Variants in CLDN14 observed in about 807,000 individuals in gnomAD.
CLDN14 encodes the protein claudin-14.
A neutral mutation model predicts 2.1 loss-of-function variants in CLDN14; 2 were observed. That is an observed-to-expected ratio of 0.96 (90% CI 0.39 to 3.01). The LOEUF (loss-of-function observed/expected upper bound fraction) is 3.01, where lower values mean the gene tolerates loss of function less well. Among genes scored for constraint, CLDN14 ranks in the 30% most tolerant of loss-of-function variants. The pLI, the probability that CLDN14 is intolerant of heterozygous loss-of-function variation, is 0.09. For synonymous variants in CLDN14, 136 were observed against 154.4 expected (o/e 0.88, Z 0.88); for missense variants, 298 against 328.0 (o/e 0.91, Z 0.71).
chr21:36,487,919 T>G (rs1336724626), intron 2 of CLDN14, among the ~76,000 whole-genome samples: 1 of 152,162 alleles, frequency 6.6e-6, no homozygotes, highest in African/African-American at 2.4e-5. Flanking sequence ...AATGAACTGA[T>G]GAGAAGTGAC....
intron 1 of CLDN14, among the ~76,000 whole-genome samples, chr21:36,543,777 A>G (rs2087508787): frequency 6.6e-6 from 1 of 152,158 alleles, no homozygotes; most frequent in Non-Finnish European, 1.5e-5. Context: ...TAATTTACAT[A>G]TATTCATTTC....
chr21:36,463,576 G>C (rs2086607150), intron 1 of CLDN14, among the ~76,000 whole-genome samples: 2 of 152,170 alleles, frequency 1.3e-5, no homozygotes, highest in African/African-American at 4.8e-5. Flanking sequence ...GCTGATCGAT[G>C]GTTGTGTGCA....
intron 1 of CLDN14, among the ~76,000 whole-genome samples, 197 bp downstream of exon 1, chr21:36,479,298 G>A (rs2086816284): frequency 6.6e-6 from 1 of 151,640 alleles, no homozygotes; most frequent in Admixed American, 6.6e-5. Context: ...TGCCAGCTGC[G>A]TGGGGTCCTC....
At chr21:36,524,525 A>G (rs2087308297) in intron 1 of CLDN14, among the ~76,000 whole-genome samples, 1 of 152,166 alleles carries the variant, frequency 6.6e-6, no homozygotes, top group East Asian at 1.9e-4. Context: ...TAAAACCCAA[A>G]GTCATGATAT....
At chr21:36,489,131 A>AATATATATATAT (rs1555847001) in intron 2 of CLDN14, among the ~76,000 whole-genome samples, 6 of 62,748 alleles carry the variant, frequency 9.6e-5, no homozygotes, top group Non-Finnish European at 1.8e-4. Context: ...AAAAAAAAAA[A>AATATATATATAT]ATATATATAT....
At chr21:36,571,199 A>G (rs2087708083) in intron 1 of CLDN14, among the ~76,000 whole-genome samples, 1 of 152,192 alleles carries the variant, frequency 6.6e-6, no homozygotes, top group South Asian at 2.1e-4. Flanking sequence ...ATGTTCTTGG[A>G]GGTTTTGTGA....
At position 36,545,246 on chromosome 21, in the gene CLDN14, C is replaced by T. The variant is rs567506469; in HGVS notation, c.-220+31165G>A. 1.0e-3 allele frequency among the ~76,000 whole-genome samples: 153 copies of T among 152,260 alleles called. 1 individual carries two copies. The highest frequency in any genetic ancestry group is 4.9e-4 in the Non-Finnish European group (33 of 68,010). On this transcript the variant is annotated intron_variant, in intron 1 of 2. Transcript: ENST00000342108. ...AAATTCAAATGCAATATTCTTAAAG[C>T]GTTTTAAGGTGGAGTGGGTAGAAAT...
chr21:36,489,132 ATATATATAT>A lies in CLDN14; in HGVS notation c.-82+21222_-82+21230del, dbSNP rs1270556933. 9.9e-5 allele frequency among the ~76,000 whole-genome samples: 4 copies of A among 40,314 alleles called. No individual in the cohort carries two copies. The South Asian group carries it at 1.9e-3, about 19-fold the overall frequency. The allele number at this position is 40,314 out of a possible 152,430, so 26.4% of individuals were successfully genotyped here. A position where few individuals can be genotyped will look rare whatever the true frequency, so the allele number is the denominator to read the frequency against. ...CTGTCTCAAAGAAAAAAAAAAAAAA[ATATATATAT>A]ATATATATATATATATGGAGAGAGA... On this transcript the variant is annotated intron_variant, in intron 2 of 2. Coordinates refer to the CLDN14 transcript ENST00000342108.
chr21:36,524,644 C>T (rs1311265574), intron 1 of CLDN14, among the ~76,000 whole-genome samples: 1 of 152,218 alleles, frequency 6.6e-6, no homozygotes, highest in Non-Finnish European at 1.5e-5. Flanking sequence ...CGTATACCTA[C>T]AGCCTCCTGG....
intron 1 of CLDN14, among the ~76,000 whole-genome samples, chr21:36,519,880 CAG>C (rs1270258099): frequency 3.3e-5 from 5 of 152,198 alleles, no homozygotes; most frequent in Non-Finnish European, 5.9e-5. Context: ...TCACCCAGTG[CAG>C]AGTCACGGTG....
At position 36,487,278 on chromosome 21, in the gene CLDN14, C is replaced by T. The variant is rs191963174; in HGVS notation, c.-82+23085G>A. On this transcript the variant is annotated intron_variant, in intron 2 of 2. Transcript: ENST00000342108. ...GATTACAGGCGTGAACCACTGCGCCCGGCCTGTTGTGGGTTTTGAATGACA... is the reference window on the plus strand; with the variant it reads ...GATTACAGGCGTGAACCACTGCGCCTGGCCTGTTGTGGGTTTTGAATGACA... 534 of 215,340 alleles carry T rather than the reference C, an allele frequency of 2.5e-3. 1 individual carries two copies. The highest frequency in any genetic ancestry group is 3.7e-3 in the Non-Finnish European group (394 of 106,624). 13.3% of individuals were successfully genotyped at this position (215,340 alleles called of 1,614,324 possible).
chr21:36,500,533 G>A (rs2146476238), intron 2 of CLDN14, among the ~76,000 whole-genome samples: 1 of 152,320 alleles, frequency 6.6e-6, no homozygotes, highest in East Asian at 1.9e-4. Flanking sequence ...CTGGGTTCAA[G>A]CAATTCTCCT....
intron 1 of CLDN14, among the ~76,000 whole-genome samples, chr21:36,547,590 C>A (rs1334175398): frequency 6.6e-6 from 1 of 152,136 alleles, no homozygotes; most frequent in East Asian, 1.9e-4. Context: ...CATGATGGAT[C>A]AATTGTTCGA....
In CLDN14 at chr21:36,460,653, C is replaced by T. The variant is rs1298863196; in HGVS notation, c.*323G>A. ...AACAGCCACATCCGCAAGGTTTATT[C>T]CTGGATCACAAACCAACCCCACTGA... On this transcript the variant is annotated 3_prime_UTR_variant, in exon 2 of 2. Transcript: ENST00000399135. This position sits in a 1 kb window ranked among gnomAD's most constrained non-coding sequence, Gnocchi z 4.0. 6.6e-6 allele frequency: 2 copies of T among 303,850 alleles called. No individual in the cohort carries two copies. Among genetic ancestry groups the T allele is most frequent in the African/African-American group, 4.3e-5 (2 of 46,124 alleles). The allele number at this position is 303,850 out of a possible 1,614,324, so 18.8% of individuals were successfully genotyped here. A position where few individuals can be genotyped will look rare whatever the true frequency, so the allele number is the denominator to read the frequency against.
chr21:36,566,761 G>C (rs28374138), intron 1 of CLDN14, among the ~76,000 whole-genome samples: 21,622 of 152,176 alleles, frequency 0.14, 1,731 homozygotes, highest in Non-Finnish European at 0.19. Flanking sequence ...TAAATGAGGT[G>C]GCCCATTCAC....
intron 2 of CLDN14, chr21:36,486,524 C>G (rs756176979): frequency 2.1e-5 from 33 of 1,564,134 alleles, no homozygotes; most frequent in Non-Finnish European, 2.9e-5. Flanking sequence ...CATGGCACCC[C>G]CTTCCCCAGC....
rs2087072542 is a variant in CLDN14, at chr21:36,499,440, G to C, written c.-82+10923C>G. 6.6e-6 allele frequency among the ~76,000 whole-genome samples: 1 copy of C among 152,188 alleles called. No homozygotes were observed. The highest frequency in any genetic ancestry group is 2.1e-4 in the South Asian group (1 of 4,830). On this transcript the variant is annotated intron_variant, in intron 2 of 2. Coordinates refer to the CLDN14 transcript ENST00000342108. This position sits in a 1 kb window ranked among gnomAD's most constrained non-coding sequence, Gnocchi z 4.7. ...TTTATGGGCTGGGTTCCTACAGAGA[G>C]TTATGAATGGAGGATTGAGTGCATT...
chr21:36,496,626 T>C (rs1436404613), intron 2 of CLDN14, among the ~76,000 whole-genome samples: 1 of 141,294 alleles, frequency 7.1e-6, no homozygotes, highest in African/African-American at 2.7e-5. Flanking sequence ...AGCGAATGCT[T>C]GCAAATCACT....
chr21:36,501,635 G>T (rs1568861446), intron 2 of CLDN14, among the ~76,000 whole-genome samples: 2 of 152,000 alleles, frequency 1.3e-5, no homozygotes, highest in Non-Finnish European at 2.9e-5. Flanking sequence ...TAGATATTCT[G>T]CTGCTTTGAC....
Sources: gnomAD v4.1 joint callset for allele counts (sites outside exome capture counted in the v4.1 genomes callset) on GRCh38, gnomAD v4.1.1 for gene constraint, Gnocchi (gnomAD v3.1) non-coding constraint, MANE v1.5 for transcripts, NCBI Gene and HGNC (gene_info 2026-07-23, HGNC 2026-07-21) for gene names.